ACTR3B: variants seen among roughly 807,000 people sequenced by gnomAD.
ACTR3B encodes actin-related protein 3B.
ACTR3B carries 8 observed loss-of-function variants against 59.0 expected under a neutral mutation model. That is an observed-to-expected ratio of 0.14 (90% confidence interval 0.08 to 0.24). ACTR3B has a LOEUF of 0.24. Among genes scored for constraint, ACTR3B ranks in the 10% least tolerant of loss-of-function variants. The pLI, the probability that ACTR3B is intolerant of heterozygous loss-of-function variation, is 1.00. For synonymous variants in ACTR3B, 148 were observed against 197.9 expected, an observed-to-expected ratio of 0.75 and a Z score of 2.12; for missense variants, 245 against 552.3, an observed-to-expected ratio of 0.44 and a Z score of 5.58.
Position 152,831,837 on chromosome 7 carries a change from A to G in ACTR3B, c.951+6715A>G, listed in dbSNP as rs369993848. Among the ~76,000 whole-genome samples, 97 of 152,290 alleles carry G rather than the reference A, an allele frequency of 6.4e-4. 1 individual carries two copies. Among genetic ancestry groups the G allele is most frequent in the African/African-American group, 2.2e-3 (93 of 41,552 alleles). ...CTTGGGGCCAGATTACACAGGGCTT[A>G]TGGGGAAGGCACAGGGGCCAACATT... On this transcript the variant is annotated intron_variant, in intron 9 of 11. Transcript: ENST00000256001.
chr7:152,817,707 A>G (rs1213919288), intron 6 of ACTR3B, among the ~76,000 whole-genome samples: 2 of 152,176 alleles, frequency 1.3e-5, no homozygotes, highest in Admixed American at 1.3e-4. Flanking sequence ...GCATATGTAT[A>G]TGGGGGGGTG....
At chr7:152,763,660 G>A (rs936727702) in intron 1 of ACTR3B, among the ~76,000 whole-genome samples, 3 of 152,142 alleles carry the variant, frequency 2.0e-5, no homozygotes, top group Admixed American at 6.5e-5. Context: ...CTGATCTCAA[G>A]CAATCCACCC....
intron 10 of ACTR3B, among the ~76,000 whole-genome samples, chr7:152,853,293 G>A (rs1798979283): frequency 6.6e-6 from 1 of 152,098 alleles, no homozygotes; most frequent in Non-Finnish European, 1.5e-5. Flanking sequence ...GTTCCTTTGA[G>A]CGCTGGGGGC....
intron 1 of ACTR3B, among the ~76,000 whole-genome samples, chr7:152,777,203 TAGCA>T (rs2098138156): frequency 1.3e-5 from 2 of 152,292 alleles, no homozygotes; most frequent in African/African-American, 4.8e-5. Flanking sequence ...CCTTCAGTAT[TAGCA>T]CCAGTTTTGA....
chr7:152,819,041 C>T (rs1161880463), intron 6 of ACTR3B, among the ~76,000 whole-genome samples: 2 of 152,200 alleles, frequency 1.3e-5, no homozygotes. Context: ...GAAAATGTTA[C>T]GTGTAATGCA....
chr7:152,802,888 C>T lies in ACTR3B; in HGVS notation c.336+1157C>T, dbSNP rs150576679. On this transcript the variant is annotated intron_variant, in intron 4 of 11. Coordinates refer to ENST00000256001, the MANE Select transcript of ACTR3B (RefSeq NM_020445.6). The stretch of plus-strand genomic sequence containing the variant: ...TATTAAATATGGAATAACTCTATAA[C>T]GAATATATGTATTTAATGTATATTA... Among the ~76,000 whole-genome samples the T allele has an allele frequency of 9.9e-4, 150 of 152,162 alleles. 1 individual carries two copies. In the East Asian group the frequency reaches 0.026, roughly 27 times the overall value.
intron 1 of ACTR3B, among the ~76,000 whole-genome samples, chr7:152,771,933 T>C (rs2098125051): frequency 1.3e-5 from 2 of 152,030 alleles, no homozygotes; most frequent in South Asian, 4.1e-4. Flanking sequence ...GGTGTGGTGG[T>C]GCATGCCTGT....
At chr7:152,795,828 G>GGCAACTTA (rs1201937951) in intron 2 of ACTR3B, among the ~76,000 whole-genome samples, 2 of 150,956 alleles carry the variant, frequency 1.3e-5, no homozygotes, top group Non-Finnish European at 2.9e-5. Context: ...TATTCTGAAA[G>GGCAACTTA]GCAACTTAGT....
intron 4 of ACTR3B, chr7:152,814,331 A>G: frequency 6.6e-6 from 3 of 451,506 alleles, no homozygotes; most frequent in Non-Finnish European, 1.2e-5. Flanking sequence ...GGTGGGTAAT[A>G]AGAACAGAGG....
intron 2 of ACTR3B, among the ~76,000 whole-genome samples, chr7:152,790,370 T>TG (rs1485863773): frequency 1.3e-5 from 2 of 152,214 alleles, no homozygotes; most frequent in Admixed American, 6.5e-5. Context: ...CTTGTAGAGA[T>TG]GGGGGTCTCT....
At position 152,801,492 on chromosome 7, in the gene ACTR3B, A is replaced by G. The variant is rs1452554354; in HGVS notation, c.226-129A>G. The G allele has an allele frequency of 3.4e-6, 4 of 1,168,780 alleles. No homozygotes were observed. In the African/African-American group the frequency reaches 6.3e-5, roughly 18 times the overall value. 72.4% of individuals were successfully genotyped at this position (1,168,780 alleles called of 1,614,324 possible). A position where few individuals can be genotyped will look rare whatever the true frequency, so the allele number is the denominator to read the frequency against. ...CCAAATGCTGTTGTTTCTTTACAAGAATTAACAAAAACTGCAATAAGAAGG... is the reference window on the plus strand; with the variant it reads ...CCAAATGCTGTTGTTTCTTTACAAGGATTAACAAAAACTGCAATAAGAAGG... On this transcript the variant is annotated intron_variant, in intron 3 of 11. Transcript: ENST00000256001.
At chr7:152,786,279 G>A (rs1248641332) in intron 2 of ACTR3B, 2 of 137,734 alleles carry the variant, frequency 1.5e-5, no homozygotes, top group African/African-American at 3.0e-5. Flanking sequence ...TGGGCTGGGC[G>A]CGGTGGCTCA....
chr7:152,851,560 A>C (rs1029165204), intron 9 of ACTR3B, among the ~76,000 whole-genome samples: 2 of 152,224 alleles, frequency 1.3e-5, no homozygotes, highest in Non-Finnish European at 2.9e-5. Context: ...GGAGCGGGAC[A>C]GGCGAGTGCT....
At chr7:152,809,596 C>T (rs967917762) in intron 4 of ACTR3B, among the ~76,000 whole-genome samples, 4 of 151,292 alleles carry the variant, frequency 2.6e-5, no homozygotes, top group Admixed American at 2.6e-4. Flanking sequence ...GGCTGGAGTG[C>T]AGTGGCACGA....
chr7:152,769,956 T>C (rs1460921475), intron 1 of ACTR3B, among the ~76,000 whole-genome samples: 1 of 152,142 alleles, frequency 6.6e-6, no homozygotes, highest in Non-Finnish European at 1.5e-5. Context: ...ATTCTTTTCA[T>C]GTTGCATTGG....
intron 9 of ACTR3B, among the ~76,000 whole-genome samples, chr7:152,834,409 C>T (rs1213920406): frequency 6.6e-6 from 1 of 152,208 alleles, no homozygotes; most frequent in African/African-American, 2.4e-5. Context: ...CTGCCTCGGC[C>T]TCCCGAAGTG....
intron 1 of ACTR3B, among the ~76,000 whole-genome samples, chr7:152,762,556 C>T (rs531948898): frequency 2.6e-5 from 4 of 152,248 alleles, no homozygotes; most frequent in Middle Eastern, 3.4e-3. Flanking sequence ...TACTTGAATG[C>T]GTACTTTCTG....
intron 4 of ACTR3B, among the ~76,000 whole-genome samples, chr7:152,806,719 C>G (rs2098253208): frequency 6.6e-6 from 1 of 152,152 alleles, no homozygotes; most frequent in Non-Finnish European, 1.5e-5. Flanking sequence ...GCTTTCCTGG[C>G]AACCATACTC....
intron 5 of ACTR3B, among the ~76,000 whole-genome samples, chr7:152,815,060 C>A (rs1168161806): frequency 6.6e-6 from 1 of 151,144 alleles, no homozygotes; most frequent in Non-Finnish European, 1.5e-5. Flanking sequence ...TTCATGAGCT[C>A]GCAGAACTTG....
Sources: allele counts gnomAD v4.1 joint callset (sites outside exome capture counted in the v4.1 genomes callset), GRCh38; gene constraint gnomAD v4.1.1; transcripts MANE v1.5; gene names NCBI Gene and HGNC (gene_info 2026-07-23, HGNC 2026-07-21).